The following SAMD12 variants were observed in gnomAD, a reference collection of about 807,000 sequenced individuals.
SAMD12 encodes sterile alpha motif domain-containing protein 12.
In SAMD12, 9 loss-of-function variants were observed where a neutral mutation model predicts 15.0. The ratio of observed to expected loss-of-function variants is 0.60; its 90% confidence interval spans 0.36 to 1.05. The LOEUF (loss-of-function observed/expected upper bound fraction) is 1.05, where lower values mean the gene tolerates loss of function less well. Ranked by LOEUF, SAMD12 falls within the 50% of genes least tolerant of loss-of-function variation. The pLI, the probability that SAMD12 is intolerant of heterozygous loss-of-function variation, is 0.01. For missense variants in SAMD12, 230 were observed against 234.2 expected (o/e 0.98, Z 0.12); for synonymous variants, 86 against 90.1 (o/e 0.96, Z 0.25).
chr8:118,469,807 T>C (rs3019127), intron 2 of SAMD12, among the ~76,000 whole-genome samples: 141,494 of 150,868 alleles, frequency 0.94, 66,449 homozygotes, highest in African/African-American at 0.96. Context: ...AGGTGATCCA[T>C]CTGCCTCAGC....
chr8:118,488,703 T>G (rs1437442613), intron 2 of SAMD12, among the ~76,000 whole-genome samples: 1 of 152,220 alleles, frequency 6.6e-6, no homozygotes, highest in Admixed American at 6.5e-5. Flanking sequence ...TAATTCATTC[T>G]TACTGTGCAG....
At chr8:118,159,412 TCTCACCA>T in the SAMD12 span, among the ~76,000 whole-genome samples, 1 of 152,130 alleles carries the variant, frequency 6.6e-6, no homozygotes, top group Non-Finnish European at 1.5e-5. Context: ...CTAACACACC[TCTCACCA>T]CTCTTTGTCT....
chr8:118,615,799 G>A (rs1306968420), intron 1 of SAMD12, among the ~76,000 whole-genome samples: 1 of 152,194 alleles, frequency 6.6e-6, no homozygotes, highest in African/African-American at 2.4e-5. Flanking sequence ...AGAAAGAAAG[G>A]GTGGGATAAA....
intron 4 of SAMD12, among the ~76,000 whole-genome samples, chr8:118,199,530 TA>T (rs1439096292): frequency 8.5e-5 from 13 of 152,158 alleles, no homozygotes; most frequent in Non-Finnish European, 1.5e-4. Flanking sequence ...AATACAATTT[TA>T]AAAAAGAATA....
intron 1 of SAMD12, among the ~76,000 whole-genome samples, chr8:118,619,966 C>T (rs1272179565): frequency 1.3e-5 from 2 of 152,182 alleles, no homozygotes; most frequent in Non-Finnish European, 2.9e-5. Flanking sequence ...TTCCTTCATT[C>T]TTTGAGACCT....
At chr8:118,512,309 G>C (rs919015359) in intron 2 of SAMD12, among the ~76,000 whole-genome samples, 2 of 152,190 alleles carry the variant, frequency 1.3e-5, no homozygotes, top group Non-Finnish European at 2.9e-5. Context: ...AGACCTAGGA[G>C]ATGGGATTCA....
At chr8:118,366,878 AAAT>A (rs370968881) in intron 4 of SAMD12, among the ~76,000 whole-genome samples, 3,749 of 43,960 alleles carry the variant, frequency 0.085, 116 homozygotes, top group Non-Finnish European at 0.095. Context: ...AAATAAAATA[AAAT>A]AATAAAATAA....
At chr8:118,280,916 C>G (rs908725850) in intron 4 of SAMD12, among the ~76,000 whole-genome samples, 7 of 152,130 alleles carry the variant, frequency 4.6e-5, no homozygotes, top group African/African-American at 1.4e-4. Flanking sequence ...GTGTATTCTG[C>G]GTCCTCAAGC....
intron 1 of SAMD12, among the ~76,000 whole-genome samples, chr8:118,620,786 C>T (rs941278635): frequency 2.6e-5 from 4 of 152,212 alleles, no homozygotes; most frequent in African/African-American, 9.7e-5. Context: ...GGCAAGGCGC[C>T]TGAAGCAGCT....
intron 1 of SAMD12, among the ~76,000 whole-genome samples, chr8:118,604,565 T>C (rs141268767): frequency 0.021 from 3,165 of 152,194 alleles, 51 homozygotes; most frequent in Middle Eastern, 0.045. Flanking sequence ...CAGACCAACA[T>C]GAAACCCCAA....
At chr8:118,233,157 A>G (rs1812352513) in intron 4 of SAMD12, among the ~76,000 whole-genome samples, 1 of 152,078 alleles carries the variant, frequency 6.6e-6, no homozygotes, top group Non-Finnish European at 1.5e-5. Context: ...CTTGTTTCTT[A>G]TTTCAACTTC....
chr8:118,426,047 T>C (rs1007843008), intron 3 of SAMD12, among the ~76,000 whole-genome samples: 41 of 152,232 alleles, frequency 2.7e-4, no homozygotes, highest in African/African-American at 9.2e-4. Context: ...CAGTCTGACA[T>C]CACGATGCCA....
exon 5 of SAMD12, chr8:118,194,707 A>C (rs1819505371): frequency 6.6e-6 from 1 of 152,128 alleles, no homozygotes; most frequent in African/African-American, 2.4e-5. Flanking sequence ...AACAAAACTC[A>C]CCACAACTAT....
exon 5 of SAMD12, chr8:118,192,737 T>C (rs1458685533): frequency 6.6e-6 from 1 of 152,228 alleles, no homozygotes; most frequent in African/African-American, 2.4e-5. Context: ...TTTTGTATGA[T>C]CAGAAATAAT....
chr8:118,441,589 C>T (rs1822765367), intron 2 of SAMD12, among the ~76,000 whole-genome samples: 1 of 151,710 alleles, frequency 6.6e-6, no homozygotes, highest in Non-Finnish European at 1.5e-5. Flanking sequence ...TGGTGTTTTC[C>T]AAAGATGATT....
At chr8:118,462,399 G>C (rs1823449064) in intron 2 of SAMD12, among the ~76,000 whole-genome samples, 1 of 152,174 alleles carries the variant, frequency 6.6e-6, no homozygotes, top group Non-Finnish European at 1.5e-5. Flanking sequence ...TGTGCTGAAT[G>C]TCAATTATAT....
At chr8:118,495,713 C>T (rs570323436) in intron 2 of SAMD12, among the ~76,000 whole-genome samples, 51 of 152,134 alleles carry the variant, frequency 3.4e-4, no homozygotes, top group African/African-American at 1.1e-3. Flanking sequence ...ATAGCACTTA[C>T]CCCTTAGGGT....
chr8:118,406,540 C>T (rs1821138895), intron 3 of SAMD12, among the ~76,000 whole-genome samples: 1 of 152,068 alleles, frequency 6.6e-6, no homozygotes, highest in Admixed American at 6.5e-5. Flanking sequence ...TCCCAAAGTG[C>T]TAGGATTACA....
At chr8:118,618,248 G>A (rs1173433986) in intron 1 of SAMD12, among the ~76,000 whole-genome samples, 2 of 151,970 alleles carry the variant, frequency 1.3e-5, no homozygotes, top group African/African-American at 4.8e-5. Flanking sequence ...ATAAACAAAG[G>A]GCACCTCTTT....
Sources: allele counts gnomAD v4.1 joint callset (sites outside exome capture counted in the v4.1 genomes callset), GRCh38; gene constraint gnomAD v4.1.1; transcripts MANE v1.5; gene names NCBI Gene and HGNC (gene_info 2026-07-23, HGNC 2026-07-21).